IGSF11: variants seen among roughly 807,000 people sequenced by gnomAD.
The protein encoded by IGSF11 is immunoglobulin superfamily member 11.
IGSF11 carries 22 observed loss-of-function variants against 41.0 expected under a neutral mutation model. That is an observed-to-expected ratio of 0.54 (90% CI 0.38 to 0.77). IGSF11 has a LOEUF of 0.77. Among genes scored for constraint, IGSF11 ranks in the 30% least tolerant of loss-of-function variants. IGSF11 has a pLI of 0.00. For synonymous variants in IGSF11, 219 were observed against 201.3 expected (o/e 1.09, Z -0.74); for missense variants, 444 against 530.8 (o/e 0.84, Z 1.61).
intron 1 of IGSF11, 145 bp downstream of exon 1, chr3:119,034,386 C>T: frequency 1.3e-6 from 1 of 795,450 alleles, no homozygotes; most frequent in Non-Finnish European, 1.8e-6. Flanking sequence ...GAGCCTCGGC[C>T]GCAGCAACGA....
At chr3:119,004,033 G>A (rs1368499340) in intron 1 of IGSF11, among the ~76,000 whole-genome samples, 1 of 152,014 alleles carries the variant, frequency 6.6e-6, no homozygotes, top group African/African-American at 2.4e-5. Context: ...GGTTCAGAAG[G>A]AATGGTACCA....
chr3:118,968,560 A>G (rs1932981723), intron 1 of IGSF11, among the ~76,000 whole-genome samples: 1 of 152,200 alleles, frequency 6.6e-6, no homozygotes, highest in Non-Finnish European at 1.5e-5. Flanking sequence ...CATTCTTCTG[A>G]AGCTATGTCA....
chr3:119,070,523 G>A (rs1174413849), intron 1 of IGSF11, among the ~76,000 whole-genome samples: 1 of 152,178 alleles, frequency 6.6e-6, no homozygotes, highest in Admixed American at 6.5e-5. Context: ...TTAAAATCGT[G>A]TCCTATCTGG....
At chr3:118,983,149 G>A (rs867488891) in intron 1 of IGSF11, among the ~76,000 whole-genome samples, 12 of 152,176 alleles carry the variant, frequency 7.9e-5, no homozygotes, top group African/African-American at 2.9e-4. Context: ...TGTAAGCACT[G>A]CCTCTGTCAC....
chr3:119,032,739 C>G (rs188705783), intron 1 of IGSF11, among the ~76,000 whole-genome samples: 131 of 152,354 alleles, frequency 8.6e-4, no homozygotes, highest in Non-Finnish European at 1.1e-3. Flanking sequence ...TTACTTGATA[C>G]TTACATTAAC....
intron 1 of IGSF11, among the ~76,000 whole-genome samples, chr3:119,045,504 G>A (rs2107752426): frequency 6.6e-6 from 1 of 152,314 alleles, no homozygotes; most frequent in South Asian, 2.1e-4. Flanking sequence ...ACTCCACGGA[G>A]TCTCGCTGAT....
chr3:118,924,375 ATCT>A (rs1424633960), intron 4 of IGSF11, among the ~76,000 whole-genome samples: 3 of 152,140 alleles, frequency 2.0e-5, no homozygotes, highest in Admixed American at 6.6e-5. Flanking sequence ...AGTAAAGTAA[ATCT>A]TCTGAAAAAA....
chr3:119,049,564 C>T (rs1377610422), intron 1 of IGSF11, among the ~76,000 whole-genome samples: 3 of 150,668 alleles, frequency 2.0e-5, no homozygotes, highest in Non-Finnish European at 4.5e-5. Context: ...GTGAAAATGG[C>T]CATACTGCCC....
chr3:119,085,958 G>A (rs1186402526), intron 1 of IGSF11, among the ~76,000 whole-genome samples: 6 of 152,214 alleles, frequency 3.9e-5, no homozygotes, highest in African/African-American at 1.2e-4. Context: ...GAGCAAAGCG[G>A]CTCTAAGGCC....
At chr3:118,922,339 T>C (rs1190469899) in intron 4 of IGSF11, among the ~76,000 whole-genome samples, 1 of 152,132 alleles carries the variant, frequency 6.6e-6, no homozygotes, top group Non-Finnish European at 1.5e-5. Flanking sequence ...TATTTTGATA[T>C]ACATATATAC....
At chr3:119,065,599 C>A (rs1942201827) in intron 1 of IGSF11, among the ~76,000 whole-genome samples, 1 of 151,860 alleles carries the variant, frequency 6.6e-6, no homozygotes, top group Non-Finnish European at 1.5e-5. Context: ...TTGAGACCAG[C>A]CTGAGCAATA....
intron 1 of IGSF11, among the ~76,000 whole-genome samples, chr3:119,011,526 C>T (rs1191051277): frequency 6.6e-6 from 1 of 152,094 alleles, no homozygotes; most frequent in Non-Finnish European, 1.5e-5. Flanking sequence ...TGCCATCCTT[C>T]TGTCAGAAGA....
intron 1 of IGSF11, among the ~76,000 whole-genome samples, chr3:119,057,670 T>C (rs919796250): frequency 4.1e-4 from 62 of 152,168 alleles, no homozygotes; most frequent in East Asian, 1.2e-3. Context: ...GACAAGTCAA[T>C]CCTAAGCCAA....
intron 1 of IGSF11, among the ~76,000 whole-genome samples, chr3:119,042,853 A>G (rs566527953): frequency 6.6e-6 from 1 of 152,194 alleles, no homozygotes; most frequent in African/African-American, 2.4e-5. Flanking sequence ...CTGGAGGCAA[A>G]CCAACTCAAG....
chr3:118,983,813 TA>T (rs1934979466), intron 1 of IGSF11, among the ~76,000 whole-genome samples: 2 of 152,226 alleles, frequency 1.3e-5, no homozygotes, highest in African/African-American at 4.8e-5. Flanking sequence ...TCCCACTCCA[TA>T]AATCACAGGG....
rs116669014 is a variant in IGSF11 at position 119,043,710 on chromosome 3, C to A, written c.49+61434G>T. Among the ~76,000 whole-genome samples the A allele has an allele frequency of 8.4e-3, 1,282 of 152,276 alleles. 24 individuals carry two copies. The highest frequency in any genetic ancestry group is 0.029 in the African/African-American group (1,222 of 41,550). On this transcript the variant is annotated intron_variant, in intron 1 of 6. Coordinates refer to the IGSF11 transcript ENST00000354673. Reference sequence around the variant, plus strand: ...GTTCTGGTATCCATGGCTGGGAGACCTAAAGATGGATCACAACATAGGACT... The same window carrying A: ...GTTCTGGTATCCATGGCTGGGAGACATAAAGATGGATCACAACATAGGACT...
At chr3:119,045,170 T>A (rs984746061) in intron 1 of IGSF11, among the ~76,000 whole-genome samples, 4 of 152,140 alleles carry the variant, frequency 2.6e-5, no homozygotes, top group African/African-American at 9.7e-5. Context: ...ACAGCTCCGG[T>A]CTACAGCTCC....
intron 1 of IGSF11, among the ~76,000 whole-genome samples, chr3:119,080,635 G>A (rs1400019217): frequency 6.6e-6 from 1 of 152,094 alleles, no homozygotes; most frequent in Admixed American, 6.6e-5. Flanking sequence ...TTTATTGAAG[G>A]GGAACAGGGA....
upstream of IGSF11, among the ~76,000 whole-genome samples, chr3:119,037,340 T>C (rs1940954521): frequency 6.6e-6 from 1 of 152,184 alleles, no homozygotes; most frequent in South Asian, 2.1e-4. Flanking sequence ...GGGTAAGGCA[T>C]GTATGATGAC....
Sources: gnomAD v4.1 joint callset for allele counts (sites outside exome capture counted in the v4.1 genomes callset) on GRCh38, gnomAD v4.1.1 for gene constraint, MANE v1.5 for transcripts, NCBI Gene and HGNC (gene_info 2026-07-23, HGNC 2026-07-21) for gene names.